The following KIZ variants were observed in gnomAD, a reference collection of about 807,000 sequenced individuals.
KIZ encodes centrosomal protein kizuna.
Under a neutral mutation model 79.6 loss-of-function variants are expected in KIZ, and 68 were observed. The observed-to-expected ratio is 0.85, with a 90% CI of 0.70 to 1.05. The LOEUF is 1.05. Ranked by LOEUF, KIZ falls within the 50% of genes least tolerant of loss-of-function variation. The probability of loss-of-function intolerance (pLI) is 0.00; values close to 1 mark genes in which losing one functional copy is unlikely to be tolerated. For synonymous variants in KIZ, 280 were observed against 281.8 expected, an observed-to-expected ratio of 0.99 and a Z score of 0.06; for missense variants, 797 against 800.4, an observed-to-expected ratio of 1.00 and a Z score of 0.05.
At chr20:21,205,294 T>A (rs1201336118) in intron 6 of KIZ, among the ~76,000 whole-genome samples, 197 bp from the exon 7 acceptor site, 2 of 152,138 alleles carry the variant, frequency 1.3e-5, no homozygotes, top group African/African-American at 4.8e-5. Flanking sequence ...AGAATGCTCA[T>A]TTAGCAATGA....
intron 6 of KIZ, among the ~76,000 whole-genome samples, chr20:21,183,075 T>C (rs1163519680): frequency 6.6e-6 from 1 of 152,078 alleles, no homozygotes; most frequent in Non-Finnish European, 1.5e-5. Flanking sequence ...GGACACTGAG[T>C]AGGCAACTGC....
At chr20:21,226,960 G>A (rs942703779) in intron 9 of KIZ, among the ~76,000 whole-genome samples, 8 of 152,172 alleles carry the variant, frequency 5.3e-5, no homozygotes, top group Non-Finnish European at 1.2e-4. Context: ...CAGGATGGGT[G>A]GTTAGCCAAA....
chr20:21,158,017 A>G (rs1432410154), intron 4 of KIZ, among the ~76,000 whole-genome samples: 2 of 152,200 alleles, frequency 1.3e-5, no homozygotes, highest in African/African-American at 4.8e-5. Context: ...TAGCCCTGCT[A>G]AAGTCTCCAT....
chr20:21,147,265 T>C (rs2032896358), intron 4 of KIZ, among the ~76,000 whole-genome samples: 1 of 152,182 alleles, frequency 6.6e-6, no homozygotes, highest in South Asian at 2.1e-4. Context: ...ATATAATAAT[T>C]AGAAGTCTTT....
chr20:21,180,097 GTTTC>G (rs2034589856), intron 6 of KIZ, among the ~76,000 whole-genome samples: 2 of 151,978 alleles, frequency 1.3e-5, no homozygotes, highest in South Asian at 4.2e-4. Flanking sequence ...CAAGTTTGTT[GTTTC>G]TTTGTTGATT....
intron 5 of KIZ, 117 bp from the exon 6 acceptor site, chr20:21,162,733 A>G (rs953630418): frequency 2.3e-6 from 2 of 887,538 alleles, no homozygotes; most frequent in African/African-American, 3.4e-5. Context: ...AAGTTCCGTA[A>G]TGAATTGTGT....
intron 6 of KIZ, among the ~76,000 whole-genome samples, chr20:21,177,731 T>G (rs2876596): frequency 0.57 from 86,902 of 151,944 alleles, 26,990 homozygotes; most frequent in South Asian, 0.78. Context: ...TTTAAATCCT[T>G]AATTCATTTT....
intron 9 of KIZ, among the ~76,000 whole-genome samples, chr20:21,221,303 A>G (rs1292144961): frequency 6.6e-6 from 1 of 152,220 alleles, no homozygotes; most frequent in Admixed American, 6.5e-5. Context: ...CTAGCACAGT[A>G]TCTGGCACAG....
chr20:21,208,256 A>G (rs1009352228), intron 7 of KIZ, among the ~76,000 whole-genome samples: 1 of 152,166 alleles, frequency 6.6e-6, no homozygotes, highest in Non-Finnish European at 1.5e-5. Flanking sequence ...AATTTTTCCA[A>G]TAATGGGAGG....
chr20:21,160,756 G>A (rs759881823), intron 4 of KIZ: 2 of 152,148 alleles, frequency 1.3e-5, no homozygotes, highest in African/African-American at 2.4e-5. Context: ...ACTTTGGGAA[G>A]TGATTAAATC....
intron 6 of KIZ, among the ~76,000 whole-genome samples, chr20:21,189,750 G>A (rs2035034342): frequency 1.3e-5 from 2 of 152,172 alleles, no homozygotes; most frequent in African/African-American, 2.4e-5. Flanking sequence ...CTGTTTCCAG[G>A]TAAAGAGAAG....
chr20:21,135,454 C>T (rs367979326), intron 2 of KIZ, among the ~76,000 whole-genome samples: 33 of 152,272 alleles, frequency 2.2e-4, no homozygotes, highest in African/African-American at 7.2e-4. Context: ...ATGGTCAAAG[C>T]GCAGAATTAT....
chr20:21,184,389 G>A lies in KIZ; in HGVS notation c.1353-21102G>A, dbSNP rs577851654. 2.6e-5 allele frequency among the ~76,000 whole-genome samples: 4 copies of A among 152,202 alleles called. No homozygotes were observed. In the East Asian group the frequency reaches 5.8e-4, roughly 22 times the overall value. On this transcript the variant is annotated intron_variant, in intron 6 of 12. Coordinates refer to ENST00000619189, the MANE Select transcript of KIZ (RefSeq NM_018474.6). ...TGGTCTCGAACTCCTGACCTCAGGC[G>A]ATCCACCTGCTCGGCCTCCCAAAGG...
At position 21,145,647 on chromosome 20, in the gene KIZ, G is replaced by A; in HGVS notation, c.398G>A (p.Arg133Lys). The A allele has an allele frequency of 6.9e-7, 1 of 1,455,796 alleles. No homozygotes were observed. The highest frequency in any genetic ancestry group is 9.3e-7 in the Non-Finnish European group (1 of 1,072,398). The allele number at this position is 1,455,796 out of a possible 1,614,324, so 90.2% of individuals were successfully genotyped here. A position where few individuals can be genotyped will look rare whatever the true frequency, so the allele number is the denominator to read the frequency against. ...GLKEELTDED[R>K]EKVAVHEGIN... Reference sequence around the variant, plus strand: ...AAAGAGGAACTGACAGATGAAGACAGAGAAAAGGTAATAAACTAAATTGGT... The same window carrying A: ...AAAGAGGAACTGACAGATGAAGACAAAGAAAAGGTAATAAACTAAATTGGT... The change falls in exon 4 of 13, where the codon AGA (arginine) becomes AAA (lysine). Residue 133 changes from arginine to lysine, a missense_variant. Physicochemically the swap from Arg to Lys is conservative, Grantham distance 26 (BLOSUM62 2). Transcript: ENST00000619189.
intron 9 of KIZ, among the ~76,000 whole-genome samples, chr20:21,217,293 T>C (rs1367295874): frequency 6.6e-6 from 1 of 152,236 alleles, no homozygotes; most frequent in East Asian, 1.9e-4. Context: ...ACTGTTGCTT[T>C]GTCCATCATT....
chr20:21,136,433 A>G lies in KIZ; in HGVS notation c.196A>G (p.Ile66Val). Residue 66 changes from isoleucine to valine, a missense_variant, in exon 3 of 13, where the codon ATA (isoleucine) becomes GTA (valine). Physicochemically the swap from Ile to Val is conservative, Grantham distance 29. Transcript: ENST00000619189. ...AAAACTAAAGAATTATCTGAAGGAAATATGTGAATCTGAAAAGAAGGCTCA... is the reference window on the plus strand; with the variant it reads ...AAAACTAAAGAATTATCTGAAGGAAGTATGTGAATCTGAAAAGAAGGCTCA... ...YVKLKNYLKE[I>V]CESEKKAHTR... 6.4e-7 allele frequency: 1 copy of G among 1,565,376 alleles called. No homozygotes were observed. The highest frequency in any genetic ancestry group is 8.7e-7 in the Non-Finnish European group (1 of 1,147,772).
At chr20:21,223,011 G>A (rs577606355) in intron 9 of KIZ, among the ~76,000 whole-genome samples, 2 of 152,220 alleles carry the variant, frequency 1.3e-5, no homozygotes, top group South Asian at 4.1e-4. Flanking sequence ...ATCTTCTACA[G>A]TAATTATTCC....
Position 21,163,065 on chromosome 20 carries a change from A to G in KIZ, c.1258A>G (p.Arg420Gly), listed in dbSNP as rs1372226646. The change falls in exon 6 of 13, where the codon AGA becomes GGA. Residue 420 changes from arginine (R) to glycine (G), a missense_variant. Physicochemically the swap from Arg to Gly is moderately radical, Grantham distance 125. Transcript: ENST00000619189. ...AAAATTAATCCATGCTGAGCAAGAA[A>G]GAGTTGCCCTATCCACTGAAAAAAA... ...ALKLIHAEQE[R>G]VALSTEKNCI... The G allele has an allele frequency of 6.2e-7, 1 of 1,613,806 alleles. No homozygotes were observed. Among genetic ancestry groups the G allele is most frequent in the Non-Finnish European group, 8.5e-7 (1 of 1,179,698 alleles).
At chr20:21,163,738 C>A (rs2033803116) in intron 6 of KIZ, among the ~76,000 whole-genome samples, 1 of 152,148 alleles carries the variant, frequency 6.6e-6, no homozygotes, top group South Asian at 2.1e-4. Context: ...ATGGGAACAT[C>A]AGCATTATAC....
Sources: gnomAD v4.1 joint callset for allele counts (sites outside exome capture counted in the v4.1 genomes callset) on GRCh38, gnomAD v4.1.1 for gene constraint, MANE v1.5 for transcripts, NCBI Gene and HGNC (gene_info 2026-07-23, HGNC 2026-07-21) for gene names.